The following GANC variants were observed in gnomAD, a reference collection of about 807,000 sequenced individuals.
GANC encodes neutral alpha-glucosidase C.
A neutral mutation model predicts 124.2 loss-of-function variants in GANC; 117 were observed. The observed-to-expected ratio is 0.94, with a 90% CI of 0.81 to 1.10. The LOEUF (loss-of-function observed/expected upper bound fraction) is 1.10, where lower values mean the gene tolerates loss of function less well. GANC is among the 50% of genes least tolerant of loss of function. The pLI is 0.00. For synonymous variants in GANC, 377 were observed against 376.8 expected (o/e 1.00, Z -0.01); for missense variants, 1,140 against 1,095.0 (o/e 1.04, Z -0.58).
rs2052335530 is a variant in GANC at position 42,342,579 on chromosome 15, C to G, written c.2153-499C>G. Reference sequence around the variant, plus strand: ...CTTGGGGAACAGAGTGAGACCCTGTCTCCTGTCTCTAAGGAAAAAAAAAAA... The same window carrying G: ...CTTGGGGAACAGAGTGAGACCCTGTGTCCTGTCTCTAAGGAAAAAAAAAAA... On this transcript the variant is annotated intron_variant, in intron 18 of 23. Transcript: ENST00000318010. Among the ~76,000 whole-genome samples the G allele has an allele frequency of 2.6e-5, 4 of 151,274 alleles. No homozygotes were observed. In the South Asian group the frequency reaches 8.5e-4, roughly 32 times the overall value.
chr15:42,300,782 G>A (rs901441752), intron 6 of GANC, among the ~76,000 whole-genome samples: 14 of 152,184 alleles, frequency 9.2e-5, no homozygotes, highest in Non-Finnish European at 1.3e-4. Flanking sequence ...ACTTTAGGGG[G>A]CTGAGGCAGG....
chr15:42,314,191 G>A, intron 10 of GANC: 1 of 759,256 alleles, frequency 1.3e-6, no homozygotes. Context: ...AAGTTGGCCA[G>A]AAAATATTCC....
chr15:42,287,624 T>C (rs11070371), intron 3 of GANC, 67 bp from the exon 4 acceptor site: 1,500,901 of 1,513,598 alleles, frequency 0.99, 744,480 homozygotes, highest in Non-Finnish European at 1. Flanking sequence ...CTAATTATTG[T>C]AATTGGTGCA....
At chr15:42,293,036 A>C in intron 5 of GANC, 119 bp downstream of exon 5, 2 of 922,800 alleles carry the variant, frequency 2.2e-6, no homozygotes, top group Non-Finnish European at 3.2e-6. Context: ...TTGCTCTAGT[A>C]TTGTTCTGAG....
At chr15:42,324,443 A>G (rs1033156033) in intron 11 of GANC, among the ~76,000 whole-genome samples, 2 of 152,184 alleles carry the variant, frequency 1.3e-5, no homozygotes, top group African/African-American at 2.4e-5. Context: ...ATATACCCAA[A>G]GGAACTGGAA....
In GANC at chr15:42,345,745, T is replaced by C. The variant is rs16973137; in HGVS notation, c.2230-13T>C. On this transcript the variant is annotated splice_polypyrimidine_tract_variant and intron_variant, in intron 19 of 23. Coordinates refer to ENST00000318010, the MANE Select transcript of GANC (RefSeq NM_198141.3). ...TTATGTACTCTTTTTTACTGGACTC[T>C]GTTACTTTCTAGGTCTGGTATGACT... 135,143 of 1,578,330 alleles carry C rather than the reference T, an allele frequency of 0.086. 7,038 individuals are homozygous for C. Among genetic ancestry groups the C allele is most frequent in the South Asian group, 0.19 (17,303 of 88,978 alleles).
At chr15:42,328,888 G>A (rs1426869122) in intron 13 of GANC, among the ~76,000 whole-genome samples, 1 of 152,210 alleles carries the variant, frequency 6.6e-6, no homozygotes, top group East Asian at 1.9e-4. Context: ...AGAGAAGGTA[G>A]AATCTTGTCA....
chr15:42,339,610 C>T, intron 16 of GANC, 59 bp from the exon 17 acceptor site: 3 of 1,579,980 alleles, frequency 1.9e-6, no homozygotes, highest in Non-Finnish European at 2.6e-6. Flanking sequence ...CCTTAATTTC[C>T]CTGTGTGCAT....
In GANC at chr15:42,353,294, C is replaced by T; in HGVS notation, c.*1155C>T. 1 of 986,158 alleles carries T rather than the reference C, an allele frequency of 1.0e-6. No homozygotes were observed. Among genetic ancestry groups the T allele is most frequent in the Non-Finnish European group, 1.2e-6 (1 of 830,132 alleles). 61.1% of individuals were successfully genotyped at this position (986,158 alleles called of 1,614,324 possible). On this transcript the variant is annotated 3_prime_UTR_variant, in exon 24 of 24. Transcript: ENST00000318010. The stretch of plus-strand genomic sequence containing the variant: ...CTCCACTTAGCAACTTGCTAACGGC[C>T]ACCTCTGTGCCTTCTGATCCCTGGG...
chr15:42,330,287 A>G (rs887716417), intron 14 of GANC, among the ~76,000 whole-genome samples: 1 of 152,216 alleles, frequency 6.6e-6, no homozygotes, highest in African/African-American at 2.4e-5. Context: ...CGGAGATTAT[A>G]TGAGAAAATT....
Position 42,274,472 on chromosome 15 carries a change from CAG to C in GANC, c.-6_-5del, listed in dbSNP as rs1203982328. The C allele has an allele frequency of 1.9e-6, 3 of 1,610,228 alleles. No individual in the cohort carries two copies. Among genetic ancestry groups the C allele is most frequent in the South Asian group, 1.1e-5 (1 of 89,910 alleles). On this transcript the variant is annotated 5_prime_UTR_variant, in exon 1 of 24. Coordinates refer to ENST00000318010, the MANE Select transcript of GANC (RefSeq NM_198141.3). Reference sequence around the variant, plus strand: ...GAGAGCTGGGAGCTGGTCGGAGTGACAGAGAAGCCATGGAAGCAGCAGTGAAA... The same window carrying C: ...GAGAGCTGGGAGCTGGTCGGAGTGACAGAAGCCATGGAAGCAGCAGTGAAA...
chr15:42,339,539 A>G, intron 16 of GANC, 130 bp from the exon 17 acceptor site: 1 of 1,102,524 alleles, frequency 9.1e-7, no homozygotes, highest in Non-Finnish European at 1.3e-6. Flanking sequence ...GTTTGAGGCC[A>G]CGGCTTTATC....
rs3036683 is a variant in GANC, at chr15:42,350,864, T to TTTATTATTA, written c.2532-450_2532-442dup. On this transcript the variant is annotated intron_variant, in intron 22 of 23. Coordinates refer to ENST00000318010, the MANE Select transcript of GANC (RefSeq NM_198141.3). ...AGCCACCATGCCCAGCGAGTCGTCT[T>TTTATTATTA]TTATTATTATTATTATTATTATTTT... is the stretch of plus-strand genomic sequence containing the variant. Among the ~76,000 whole-genome samples the TTTATTATTA allele has an allele frequency of 4.0e-4, 55 of 137,432 alleles. No individual in the cohort carries two copies. In the South Asian group the frequency reaches 0.012, roughly 30 times the overall value. The allele number at this position is 137,432 out of a possible 152,430, so 90.2% of individuals were successfully genotyped here.
At chr15:42,289,912 G>A (rs1207251831) in intron 4 of GANC, among the ~76,000 whole-genome samples, 1 of 152,178 alleles carries the variant, frequency 6.6e-6, no homozygotes, top group Non-Finnish European at 1.5e-5. Context: ...TTAGGACACA[G>A]ATGCAGGCAC....
At chr15:42,350,068 T>C (rs563962949) in intron 22 of GANC, among the ~76,000 whole-genome samples, 1 of 143,804 alleles carries the variant, frequency 7.0e-6, no homozygotes, top group South Asian at 2.3e-4. Flanking sequence ...TTCACTCTTA[T>C]TGCCCAGGCT....
At position 42,330,164 on chromosome 15, in the gene GANC, C is replaced by G. The variant is rs533770245; in HGVS notation, c.1645-412C>G. ...CCTCTTTAACAGCCTGTTGCAGTAA[C>G]TGTAGACTGCTTTAGTTAGTGAGCT... On this transcript the variant is annotated intron_variant, in intron 14 of 23. Coordinates refer to ENST00000318010, the MANE Select transcript of GANC (RefSeq NM_198141.3). Among the ~76,000 whole-genome samples the G allele has an allele frequency of 2.0e-5, 3 of 152,302 alleles. No homozygotes were observed. The South Asian group carries it at 6.2e-4, about 32-fold the overall frequency.
intron 19 of GANC, 107 bp from the exon 20 acceptor site, chr15:42,345,651 G>T (rs1355021765): frequency 3.1e-6 from 2 of 638,740 alleles, no homozygotes; most frequent in Non-Finnish European, 5.5e-6. Flanking sequence ...ATTTATTTTA[G>T]CTTTCTGGTT....
In GANC at chr15:42,278,543, A is replaced by G. The variant is rs1052508271; in HGVS notation, c.154A>G (p.Thr52Ala). 3.7e-6 allele frequency: 6 copies of G among 1,613,260 alleles called. No individual in the cohort carries two copies. Among genetic ancestry groups the G allele is most frequent in the Non-Finnish European group, 5.1e-6 (6 of 1,179,566 alleles). ...TCAGGCATTATTGGATTCAGTCACA[A>G]CAGATGAAGACAGCACCAGGTTCCA... ...TYQALLDSVT[T>A]DEDSTRFQII... The change falls in exon 3 of 24, where the codon ACA becomes GCA. Residue 52 changes from threonine to alanine, a missense_variant. Transcript: ENST00000318010.
At chr15:42,310,164 A>C (rs1253891541) in intron 8 of GANC, 119 bp from the exon 9 acceptor site, 1 of 706,210 alleles carries the variant, frequency 1.4e-6, no homozygotes, top group African/African-American at 1.8e-5. Context: ...AAGTGGCAAG[A>C]GTTGAGCCTC....
Sources: allele counts gnomAD v4.1 joint callset (sites outside exome capture counted in the v4.1 genomes callset), GRCh38; gene constraint gnomAD v4.1.1; transcripts MANE v1.5; gene names NCBI Gene and HGNC (gene_info 2026-07-23, HGNC 2026-07-21).